The following RBFOX1 variants were observed in gnomAD, a reference collection of about 807,000 sequenced individuals.
RBFOX1 encodes RNA binding fox-1 homolog 1.
In RBFOX1, 8 loss-of-function variants were observed where a neutral mutation model predicts 57.7. That is an observed-to-expected ratio of 0.14 (90% CI 0.08 to 0.25). The LOEUF (loss-of-function observed/expected upper bound fraction) is 0.25. Among genes scored for constraint, RBFOX1 ranks in the 10% least tolerant of loss-of-function variants. The probability of loss-of-function intolerance (pLI) is 1.00; values close to 1 mark genes in which losing one functional copy is unlikely to be tolerated. For missense variants in RBFOX1, 611 were observed against 548.5 expected (o/e 1.11, Z -1.14); for synonymous variants, 326 against 222.4 (o/e 1.47, Z -4.15).
chr16:7,643,448 T>G (rs2063185103), intron 11 of RBFOX1, among the ~76,000 whole-genome samples: 1 of 152,250 alleles, frequency 6.6e-6, no homozygotes, highest in Non-Finnish European at 1.5e-5. Context: ...GCCCAAAATG[T>G]TATGAAGGTT....
At chr16:6,790,996 C>T (rs1305297974) in intron 3 of RBFOX1, among the ~76,000 whole-genome samples, 1 of 151,824 alleles carries the variant, frequency 6.6e-6, no homozygotes, top group South Asian at 2.1e-4. Context: ...TCTTCTGGCT[C>T]TCAGGTTCAG....
At chr16:6,494,270 C>G (rs1171434069) in intron 2 of RBFOX1, among the ~76,000 whole-genome samples, 1 of 152,122 alleles carries the variant, frequency 6.6e-6, no homozygotes, top group African/African-American at 2.4e-5. Context: ...TTGTTCTGTA[C>G]AACTTCATCG....
intron 3 of RBFOX1, among the ~76,000 whole-genome samples, chr16:6,920,877 A>T (rs926451471): frequency 7.2e-5 from 11 of 152,360 alleles, no homozygotes; most frequent in African/African-American, 2.6e-4. Context: ...ATTTCCAAAT[A>T]GGGTCACATT....
At chr16:7,240,028 G>A (rs1355427677) in intron 4 of RBFOX1, among the ~76,000 whole-genome samples, 1 of 151,986 alleles carries the variant, frequency 6.6e-6, no homozygotes, top group Non-Finnish European at 1.5e-5. Flanking sequence ...GTGCAATGCT[G>A]CAATGTCTGC....
At chr16:6,247,693 A>G (rs1278331436) in intron 1 of RBFOX1, among the ~76,000 whole-genome samples, 1 of 152,208 alleles carries the variant, frequency 6.6e-6, no homozygotes, top group East Asian at 1.9e-4. Flanking sequence ...TGCCAAAGTC[A>G]TGTAGCAAAA....
intron 3 of RBFOX1, among the ~76,000 whole-genome samples, chr16:6,658,946 T>TTTTTTG: frequency 9.1e-6 from 1 of 110,242 alleles, no homozygotes. Context: ...GTTTTTTTTG[T>TTTTTTG]TTTTTTTTTT....
intron 4 of RBFOX1, among the ~76,000 whole-genome samples, chr16:7,173,687 A>G (rs1469404250): frequency 6.6e-6 from 1 of 152,206 alleles, no homozygotes; most frequent in African/African-American, 2.4e-5. Flanking sequence ...AAGGGTGGAA[A>G]CACATTTAGG....
chr16:5,555,892 A>G (rs1014039277), intron 2 of RBFOX1, among the ~76,000 whole-genome samples: 1 of 152,096 alleles, frequency 6.6e-6, no homozygotes, highest in Non-Finnish European at 1.5e-5. Context: ...GTGGTGGTGC[A>G]TGTCTGTAAT....
At chr16:6,786,741 C>T (rs1050324473) in intron 3 of RBFOX1, among the ~76,000 whole-genome samples, 1 of 152,062 alleles carries the variant, frequency 6.6e-6, no homozygotes, top group Non-Finnish European at 1.5e-5. Flanking sequence ...TTTCCTTAAA[C>T]AGTTGGAAAT....
At chr16:6,214,732 A>G (rs111163838) in intron 1 of RBFOX1, among the ~76,000 whole-genome samples, 1,068 of 104,860 alleles carry the variant, frequency 0.01, 20 homozygotes, top group Non-Finnish European at 0.012. Flanking sequence ...AGAGAGGGAG[A>G]AGGAGAGGGA....
chr16:6,505,029 T>G (rs1193851120), intron 2 of RBFOX1, among the ~76,000 whole-genome samples: 1 of 152,158 alleles, frequency 6.6e-6, no homozygotes, highest in Non-Finnish European at 1.5e-5. Context: ...GCCAAGATTG[T>G]GCTGCTCTAC....
chr16:6,082,838 C>G (rs962864644), intron 1 of RBFOX1, among the ~76,000 whole-genome samples: 30 of 152,084 alleles, frequency 2.0e-4, no homozygotes, highest in African/African-American at 7.2e-4. Context: ...AGATGATGCA[C>G]TTGGACCCAA....
chr16:6,727,286 G>GT (rs1354505238), intron 3 of RBFOX1, among the ~76,000 whole-genome samples: 8 of 151,358 alleles, frequency 5.3e-5, no homozygotes, highest in South Asian at 2.1e-4. Context: ...AATTAATTGC[G>GT]TTTTTTGCCA....
chr16:7,589,983 G>A (rs1195823473), intron 7 of RBFOX1, among the ~76,000 whole-genome samples: 2 of 148,978 alleles, frequency 1.3e-5, no homozygotes, highest in African/African-American at 4.9e-5. Flanking sequence ...ATGTACTTAA[G>A]GGATGGACGC....
chr16:6,231,408 A>T (rs1335279376), intron 1 of RBFOX1, among the ~76,000 whole-genome samples: 2 of 152,198 alleles, frequency 1.3e-5, no homozygotes, highest in Admixed American at 6.5e-5. Flanking sequence ...AAAGAATCCC[A>T]TAAACATGGA....
chr16:6,862,437 T>A (rs549373330), intron 3 of RBFOX1, among the ~76,000 whole-genome samples: 37 of 152,288 alleles, frequency 2.4e-4, no homozygotes, highest in South Asian at 6.2e-4. Flanking sequence ...TTCGGTGCTA[T>A]GGGGATGCAA....
chr16:7,167,855 C>A (rs951383422), intron 4 of RBFOX1, among the ~76,000 whole-genome samples: 1 of 29,008 alleles, frequency 3.4e-5, no homozygotes, highest in South Asian at 2.5e-3. Flanking sequence ...TATTTACTAT[C>A]TGGCCCTCTG....
chr16:7,408,991 C>T (rs893988738), intron 4 of RBFOX1, among the ~76,000 whole-genome samples: 5 of 152,180 alleles, frequency 3.3e-5, no homozygotes, highest in Non-Finnish European at 4.4e-5. Context: ...CATCCCCGCC[C>T]GTCAATTCTT....
chr16:6,988,427 A>G (rs1449502859), intron 3 of RBFOX1, among the ~76,000 whole-genome samples: 2 of 152,210 alleles, frequency 1.3e-5, no homozygotes, highest in African/African-American at 4.8e-5. Flanking sequence ...AGTATATGAA[A>G]GTGTTTTAAA....
Sources: gnomAD v4.1 joint callset for allele counts (sites outside exome capture counted in the v4.1 genomes callset) on GRCh38, gnomAD v4.1.1 for gene constraint, MANE v1.5 for transcripts, NCBI Gene and HGNC (gene_info 2026-07-23, HGNC 2026-07-21) for gene names.